The following JAK1 variants were observed in gnomAD, a reference collection of about 807,000 sequenced individuals.
JAK1 encodes Janus kinase 1, also known as tyrosine-protein kinase JAK1.
Under a neutral mutation model 136.6 loss-of-function variants are expected in JAK1, and 16 were observed. The ratio of observed to expected loss-of-function variants is 0.12; its 90% CI spans 0.08 to 0.18. JAK1 has a LOEUF of 0.18. JAK1 is among the 10% of genes least tolerant of loss of function. The pLI is 1.00. For missense variants in JAK1, 859 were observed against 1,450.1 expected (o/e 0.59, Z 6.62); for synonymous variants, 492 against 519.5 (o/e 0.95, Z 0.72).
intron 1 of JAK1, among the ~76,000 whole-genome samples, chr1:64,957,574 G>A (rs1646210512): frequency 6.6e-6 from 1 of 152,206 alleles, no homozygotes. Context: ...ACTTTGGGAG[G>A]CTGAGGCAGG....
chr1:64,853,273 C>A (rs1252922527), intron 11 of JAK1, among the ~76,000 whole-genome samples: 1 of 152,166 alleles, frequency 6.6e-6, no homozygotes, highest in East Asian at 1.9e-4. Flanking sequence ...TTCTTACTCT[C>A]CCAAGGTCAG....
intron 1 of JAK1, among the ~76,000 whole-genome samples, chr1:65,045,557 C>T (rs549759611): frequency 6.6e-6 from 1 of 152,250 alleles, no homozygotes; most frequent in East Asian, 1.9e-4. Flanking sequence ...TGTGAGTGAC[C>T]TAGCTTTATC....
At chr1:65,027,194 A>G (rs966971392) in intron 2 of JAK1, among the ~76,000 whole-genome samples, 1 of 151,386 alleles carries the variant, frequency 6.6e-6, no homozygotes, top group African/African-American at 2.4e-5. Context: ...CTACAGGTGC[A>G]CACCACCACA....
chr1:64,856,408 T>C (rs996061585), intron 10 of JAK1, among the ~76,000 whole-genome samples: 1 of 152,192 alleles, frequency 6.6e-6, no homozygotes, highest in Non-Finnish European at 1.5e-5. Context: ...CTACCTAATA[T>C]GGCTATTACA....
intron 2 of JAK1, among the ~76,000 whole-genome samples, chr1:65,029,151 C>T (rs1304552096): frequency 6.6e-6 from 1 of 151,960 alleles, no homozygotes; most frequent in Non-Finnish European, 1.5e-5. Context: ...GGCTAGAGGG[C>T]AGTGGCATGA....
intron 1 of JAK1, among the ~76,000 whole-genome samples, chr1:65,054,736 C>T (rs1647451869): frequency 6.6e-6 from 1 of 151,398 alleles, no homozygotes; most frequent in Admixed American, 6.6e-5. Context: ...GACTTCTTGT[C>T]CACGCCTTTT....
rs139659752 is a variant in JAK1 at position 64,855,506 on chromosome 1, A to G, written c.1648+3T>C. The G allele has an allele frequency of 3.1e-6, 5 of 1,613,670 alleles. No homozygotes were observed. Among genetic ancestry groups the G allele is most frequent in the Non-Finnish European group, 4.2e-6 (5 of 1,179,704 alleles). On this transcript the variant is annotated splice_donor_region_variant and intron_variant, in intron 11 of 24. Transcript: ENST00000342505. ...AGCCTGGCTCTGGCACAGGGAGACG[A>G]ACCTCGGGGCTTGGGCTGGCAGCAG...
Position 64,841,528 on chromosome 1 carries a change from C to T in JAK1, c.2477G>A (p.Arg826His), listed in dbSNP as rs199886153. The change falls in exon 18 of 25, where the codon CGC becomes CAC. Residue 826 changes from arginine (R) to histidine (H), a missense_variant. Arg to His is a conservative substitution (Grantham distance 29). Coordinates refer to ENST00000342505, the MANE Select transcript of JAK1 (RefSeq NM_002227.4). ...CTGATTGGGGTCATAGTTCATGCAG[C>T]GGGTCATGAGGTCAGCCAGCTCCTT... ...SCKELADLMT[R>H]CMNYDPNQRP... 1.4e-5 allele frequency: 23 copies of T among 1,613,958 alleles called. No homozygotes were observed. The highest frequency in any genetic ancestry group is 1.0e-4 in the Admixed American group (6 of 59,996).
At chr1:65,056,645 G>C (rs560091524) in intron 1 of JAK1, among the ~76,000 whole-genome samples, 13 of 152,244 alleles carry the variant, frequency 8.5e-5, no homozygotes, top group African/African-American at 2.9e-4. Context: ...ACACGAGGCC[G>C]GGTGCAGTGG....
intron 1 of JAK1, among the ~76,000 whole-genome samples, chr1:64,937,085 AC>A (rs1435458367): frequency 1.3e-5 from 2 of 149,642 alleles, no homozygotes; most frequent in African/African-American, 4.9e-5. Flanking sequence ...AATCCTCCCC[AC>A]CCCCAGTTTG....
intron 2 of JAK1, among the ~76,000 whole-genome samples, chr1:65,012,039 T>C (rs1270352995): frequency 6.6e-6 from 1 of 152,178 alleles, no homozygotes; most frequent in African/African-American, 2.4e-5. Context: ...AGCTCCTGTG[T>C]GGTGTGAAAG....
intron 2 of JAK1, chr1:64,985,731 A>G (rs1646592673): frequency 2.9e-6 from 2 of 685,108 alleles, no homozygotes; most frequent in Non-Finnish European, 5.4e-6. Flanking sequence ...CAAGTAGGCC[A>G]GGATCAGTAT....
At chr1:64,850,676 G>GA (rs1209036573) in intron 12 of JAK1, 128 bp downstream of exon 12, 179 of 670,942 alleles carry the variant, frequency 2.7e-4, no homozygotes, top group East Asian at 2.5e-3. Flanking sequence ...GCCATCAAAG[G>GA]AAAGTCTCCC....
chr1:65,002,859 G>A (rs999009300), intron 2 of JAK1, among the ~76,000 whole-genome samples: 1 of 152,192 alleles, frequency 6.6e-6, no homozygotes. Flanking sequence ...TGTGGCGGGC[G>A]GGCAGTCTCT....
intron 2 of JAK1, among the ~76,000 whole-genome samples, chr1:65,018,644 C>T (rs767554945): frequency 6.6e-5 from 10 of 152,096 alleles, no homozygotes; most frequent in East Asian, 3.9e-4. Flanking sequence ...CTAATTTCAT[C>T]GGGGAAAAAT....
intron 2 of JAK1, among the ~76,000 whole-genome samples, chr1:64,884,529 G>A (rs996347389): frequency 6.6e-6 from 1 of 151,906 alleles, no homozygotes; most frequent in Non-Finnish European, 1.5e-5. Flanking sequence ...TCATCTGGCC[G>A]GCCAGCCTTC....
At chr1:64,948,698 C>T (rs1569680876) in intron 1 of JAK1, among the ~76,000 whole-genome samples, 1 of 152,172 alleles carries the variant, frequency 6.6e-6, no homozygotes, top group African/African-American at 2.4e-5. Flanking sequence ...AAAAAGAAGA[C>T]TCTATTTTTT....
chr1:64,870,264 A>C (rs180805450), intron 5 of JAK1, among the ~76,000 whole-genome samples: 50 of 152,252 alleles, frequency 3.3e-4, no homozygotes, highest in African/African-American at 1.1e-3. Context: ...ACAGATGAGG[A>C]ATCTAAGGCA....
chr1:64,876,877 T>A (rs970881558), intron 4 of JAK1, among the ~76,000 whole-genome samples: 1 of 152,184 alleles, frequency 6.6e-6, no homozygotes, highest in Non-Finnish European at 1.5e-5. Context: ...TTGAGAAAAT[T>A]ATGTACAGAT....
Sources: gnomAD v4.1 joint callset for allele counts (sites outside exome capture counted in the v4.1 genomes callset) on GRCh38, gnomAD v4.1.1 for gene constraint, MANE v1.5 for transcripts, NCBI Gene and HGNC (gene_info 2026-07-23, HGNC 2026-07-21) for gene names.